MINDY2: variants seen among roughly 807,000 people sequenced by gnomAD.
The protein encoded by MINDY2 is MINDY lysine 48 deubiquitinase 2.
A neutral mutation model predicts 68.2 loss-of-function variants in MINDY2; 52 were observed. The ratio of observed to expected loss-of-function variants is 0.76; its 90% CI spans 0.61 to 0.96. The LOEUF is 0.96. Among genes scored for constraint, MINDY2 ranks in the 40% least tolerant of loss-of-function variants. The pLI is 0.00. For missense variants in MINDY2, 881 were observed against 773.4 expected, an observed-to-expected ratio of 1.14 and a Z score of -1.65; for synonymous variants, 372 against 303.0, an observed-to-expected ratio of 1.23 and a Z score of -2.36.
chr15:58,803,918 C>A (rs1902839761), intron 3 of MINDY2, among the ~76,000 whole-genome samples: 1 of 136,366 alleles, frequency 7.3e-6, no homozygotes, highest in Non-Finnish European at 1.5e-5. Flanking sequence ...ACCATCCTGG[C>A]TAACATGGTG....
rs777239480 is a variant in MINDY2 at position 58,771,348 on chromosome 15, C to G, written c.-48C>G. 6.4e-7 allele frequency: 1 copy of G among 1,562,916 alleles called. No homozygotes were observed. Among genetic ancestry groups the G allele is most frequent in the Non-Finnish European group, 8.6e-7 (1 of 1,157,018 alleles). The stretch of plus-strand genomic sequence containing the variant: ...GTCATGGCGTCCAAGGCGCTGGCTG[C>G]GGAGAAGTGGCCGCGGTCTCCATAG... On this transcript the variant is annotated 5_prime_UTR_variant, in exon 1 of 9. Transcript: ENST00000559228.
chr15:58,809,906 A>G (rs2030104796), intron 3 of MINDY2, among the ~76,000 whole-genome samples: 1 of 152,136 alleles, frequency 6.6e-6, no homozygotes, highest in African/African-American at 2.4e-5. Context: ...CAGCCTCCCA[A>G]GTAGCTGGGA....
At chr15:58,793,689 TAGG>T (rs1296795975) in intron 2 of MINDY2, among the ~76,000 whole-genome samples, 1 of 152,028 alleles carries the variant, frequency 6.6e-6, no homozygotes, top group African/African-American at 2.4e-5. Context: ...TCCATGGTAA[TAGG>T]AGGAAAGACA....
In MINDY2 at chr15:58,851,639, C is replaced by T; in HGVS notation, c.1543-132C>T. 6 of 672,522 alleles carry T rather than the reference C, an allele frequency of 8.9e-6. No homozygotes were observed. The South Asian group carries it at 1.4e-4, about 15-fold the overall frequency. The allele number at this position is 672,522 out of a possible 1,614,324, so 41.7% of individuals were successfully genotyped here. ...CTTTTTTTGTAGAGACAGGGTCTTG[C>T]TATATTGCCCAGGCCTGGTGTATTT... On this transcript the variant is annotated intron_variant, in intron 7 of 8. Coordinates refer to ENST00000559228, the MANE Select transcript of MINDY2 (RefSeq NM_001040450.3).
In MINDY2 at chr15:58,787,947, G is replaced by A; in HGVS notation, c.882G>A (p.Gln294=). The part of the protein sequence containing the change: ...PPMMEIITAE[Q]LMEYLGDYML... ...TGATGGAAATCATAACTGCTGAGCAGCTGATGGAATATTTAGGTTAGTGTT... is the reference window on the plus strand; with the variant it reads ...TGATGGAAATCATAACTGCTGAGCAACTGATGGAATATTTAGGTTAGTGTT... The change falls in exon 2 of 9, where the codon CAG becomes CAA. Residue 294 remains glutamine, a synonymous_variant. Transcript: ENST00000559228. The A allele has an allele frequency of 6.3e-7, 1 of 1,590,134 alleles. No homozygotes were observed. The highest frequency in any genetic ancestry group is 1.2e-5 in the South Asian group (1 of 85,534).
intron 6 of MINDY2, among the ~76,000 whole-genome samples, chr15:58,844,296 C>G (rs1441503266): frequency 1.3e-5 from 2 of 152,086 alleles, no homozygotes; most frequent in Non-Finnish European, 2.9e-5. Context: ...GCCTGTAATC[C>G]CAGCACTTTG....
chr15:58,860,047 ACTT>A lies in MINDY2; in HGVS notation c.*5446_*5448del, dbSNP rs1469161102. ...AAACCTAAGCTTTGAACCCCAGTAG[ACTT>A]CTTCTTCTGCCATTAAGTCTCTCTT... On this transcript the variant is annotated 3_prime_UTR_variant, in exon 9 of 9. Transcript: ENST00000559228. 2.6e-5 allele frequency: 4 copies of A among 152,160 alleles called. No homozygotes were observed. Among genetic ancestry groups the A allele is most frequent in the East Asian group, 3.9e-4 (2 of 5,188 alleles). The allele number at this position is 152,160 out of a possible 1,614,324, so 9.4% of individuals were successfully genotyped here. A position where few individuals can be genotyped will look rare whatever the true frequency, so the allele number is the denominator to read the frequency against.
intron 4 of MINDY2, among the ~76,000 whole-genome samples, chr15:58,815,975 G>C (rs1433748013): frequency 6.6e-6 from 1 of 152,204 alleles, no homozygotes; most frequent in Admixed American, 6.5e-5. Flanking sequence ...ACCACGCCCA[G>C]CCAAAAGGCT....
At chr15:58,810,634 G>A (rs531607646) in intron 4 of MINDY2, among the ~76,000 whole-genome samples, 65 of 152,162 alleles carry the variant, frequency 4.3e-4, no homozygotes, top group African/African-American at 1.3e-3. Context: ...AAGACCACCC[G>A]TACTTCTCAC....
chr15:58,780,509 T>G (rs575364692), intron 1 of MINDY2, among the ~76,000 whole-genome samples: 20 of 152,126 alleles, frequency 1.3e-4, no homozygotes, highest in Non-Finnish European at 2.4e-4. Context: ...GATGTTTGAT[T>G]GGGAAGATAA....
At chr15:58,789,889 C>T (rs532887542) in intron 2 of MINDY2, among the ~76,000 whole-genome samples, 5 of 152,176 alleles carry the variant, frequency 3.3e-5, no homozygotes, top group East Asian at 1.9e-4. Context: ...TCAGGTGATC[C>T]GCCCACCTGA....
At chr15:58,828,841 C>T (rs1358835279) in intron 5 of MINDY2, among the ~76,000 whole-genome samples, 1 of 151,938 alleles carries the variant, frequency 6.6e-6, no homozygotes, top group African/African-American at 2.4e-5. Flanking sequence ...AGGCATGAGC[C>T]ACTGCGCCCA....
intron 5 of MINDY2, among the ~76,000 whole-genome samples, chr15:58,831,047 A>ATG (rs2031699012): frequency 7.0e-6 from 1 of 143,296 alleles, no homozygotes; most frequent in African/African-American, 2.7e-5. Context: ...GTGTGTATAT[A>ATG]TATATATATA....
Position 58,859,141 on chromosome 15 carries a change from C to G in MINDY2, c.*4531C>G, listed in dbSNP as rs1440355357. 3 of 152,016 alleles carry G rather than the reference C, an allele frequency of 2.0e-5. No homozygotes were observed. The highest frequency in any genetic ancestry group is 7.2e-5 in the African/African-American group (3 of 41,408). 9.4% of individuals were successfully genotyped at this position (152,016 alleles called of 1,614,324 possible). ...ATTTTCTTTGAGTATGGCGTGATCT[C>G]TTCCCAAATGCATTTTACAGTTTTT... On this transcript the variant is annotated 3_prime_UTR_variant, in exon 9 of 9. Coordinates refer to ENST00000559228, the MANE Select transcript of MINDY2 (RefSeq NM_001040450.3).
rs528740273 is a variant in MINDY2 at position 58,851,116 on chromosome 15, G to T, written c.1543-655G>T. ...AGCTTCCCAAGTAGTTAGAATTACAGGTGTGCACCACCACACCTGGCTAAT... is the reference window on the plus strand; with the variant it reads ...AGCTTCCCAAGTAGTTAGAATTACATGTGTGCACCACCACACCTGGCTAAT... On this transcript the variant is annotated intron_variant, in intron 7 of 8. Coordinates refer to ENST00000559228, the MANE Select transcript of MINDY2 (RefSeq NM_001040450.3). 2.0e-5 allele frequency among the ~76,000 whole-genome samples: 3 copies of T among 152,140 alleles called. No homozygotes were observed. The East Asian group carries it at 5.8e-4, about 30-fold the overall frequency.
chr15:58,813,540 TG>T (rs2030450870), intron 4 of MINDY2, among the ~76,000 whole-genome samples: 1 of 152,204 alleles, frequency 6.6e-6, no homozygotes, highest in Non-Finnish European at 1.5e-5. Context: ...TTCATTTCTC[TG>T]GGTTAAATGC....
Position 58,857,475 on chromosome 15 carries a change from A to T in MINDY2, c.*2865A>T, listed in dbSNP as rs1375436732. 2 of 142,208 alleles carry T rather than the reference A, an allele frequency of 1.4e-5. No individual in the cohort carries two copies. The highest frequency in any genetic ancestry group is 1.5e-4 in the Admixed American group (2 of 13,010). 8.8% of individuals were successfully genotyped at this position (142,208 alleles called of 1,614,324 possible). On this transcript the variant is annotated 3_prime_UTR_variant, in exon 9 of 9. Coordinates refer to ENST00000559228, the MANE Select transcript of MINDY2 (RefSeq NM_001040450.3). ...CTTGAACCCAGGAGGCAGTGATTGC[A>T]GTGAGCTGAGATAGCACCACTGCAT...
intron 2 of MINDY2, among the ~76,000 whole-genome samples, chr15:58,801,670 C>T (rs987044727): frequency 2.0e-5 from 3 of 152,048 alleles, no homozygotes; most frequent in Admixed American, 1.3e-4. Flanking sequence ...GGCAGAGTCT[C>T]ACTTTGTTGC....
At chr15:58,834,411 C>T (rs946649274) in intron 6 of MINDY2, among the ~76,000 whole-genome samples, 15 of 152,194 alleles carry the variant, frequency 9.9e-5, no homozygotes, top group African/African-American at 3.6e-4. Flanking sequence ...AAAGCTACTT[C>T]TACTCTCCTC....
Sources: allele counts gnomAD v4.1 joint callset (sites outside exome capture counted in the v4.1 genomes callset), GRCh38; gene constraint gnomAD v4.1.1; transcripts MANE v1.5; gene names NCBI Gene and HGNC (gene_info 2026-07-23, HGNC 2026-07-21).